Variants in TRIO observed in about 807,000 individuals in gnomAD.
The protein encoded by TRIO is triple functional domain protein.
TRIO carries 58 observed loss-of-function variants against 351.9 expected under a neutral mutation model. That is an observed-to-expected ratio of 0.16 (90% CI 0.13 to 0.21). The LOEUF (loss-of-function observed/expected upper bound fraction) is 0.21. Among genes scored for constraint, TRIO ranks in the 10% least tolerant of loss-of-function variants. The pLI, the probability that TRIO is intolerant of heterozygous loss-of-function variation, is 1.00. For missense variants in TRIO, 3,201 were observed against 4,027.8 expected, an observed-to-expected ratio of 0.79 and a Z score of 5.56; for synonymous variants, 1,758 against 1,595.7, an observed-to-expected ratio of 1.10 and a Z score of -2.42.
intron 1 of TRIO, among the ~76,000 whole-genome samples, chr5:14,176,616 A>G (rs968110904): frequency 6.6e-6 from 1 of 152,186 alleles, no homozygotes; most frequent in Non-Finnish European, 1.5e-5. Context: ...ACCACACCTG[A>G]CTAATTTTTG....
At chr5:14,289,081 TTTG>T (rs889743448) in intron 4 of TRIO, among the ~76,000 whole-genome samples, 39 of 151,808 alleles carry the variant, frequency 2.6e-4, no homozygotes, top group African/African-American at 9.4e-4. Context: ...GTCTCTATAT[TTTG>T]TTTTAAAAAT....
intron 1 of TRIO, among the ~76,000 whole-genome samples, chr5:14,255,567 T>G (rs1464010379): frequency 6.6e-6 from 1 of 152,220 alleles, no homozygotes; most frequent in African/African-American, 2.4e-5. Flanking sequence ...TCTGAAATGC[T>G]GGGCACCAGA....
intron 34 of TRIO, among the ~76,000 whole-genome samples, chr5:14,428,987 TC>T (rs1317835949): frequency 6.6e-6 from 1 of 152,208 alleles, no homozygotes; most frequent in Admixed American, 6.5e-5. Context: ...TTCTGACATT[TC>T]CTAGACATCA....
chr5:14,426,004 T>A lies in TRIO; in HGVS notation c.5203+5983T>A, dbSNP rs533084429. 3.3e-5 allele frequency among the ~76,000 whole-genome samples: 5 copies of A among 152,372 alleles called. No individual in the cohort carries two copies. In the East Asian group the frequency reaches 9.6e-4, roughly 29 times the overall value. On this transcript the variant is annotated intron_variant, in intron 34 of 56. Transcript: ENST00000344204. The stretch of plus-strand genomic sequence containing the variant: ...GGCTGCCCACTCAGTTTTGTTAACT[T>A]TATCTCAATAATATATTTCAAGTAT...
At chr5:14,475,489 C>T (rs1755004830) in intron 40 of TRIO, among the ~76,000 whole-genome samples, 1 of 152,222 alleles carries the variant, frequency 6.6e-6, no homozygotes, top group Non-Finnish European at 1.5e-5. Flanking sequence ...TGTCACGTAT[C>T]AAGTAGTGTT....
chr5:14,226,321 C>G (rs576820088), intron 1 of TRIO, among the ~76,000 whole-genome samples: 1 of 152,292 alleles, frequency 6.6e-6, no homozygotes, highest in African/African-American at 2.4e-5. Flanking sequence ...TTCTGTAGAA[C>G]CCCACAGCCT....
intron 1 of TRIO, among the ~76,000 whole-genome samples, chr5:14,172,131 C>T (rs1487721614): frequency 6.6e-6 from 1 of 152,152 alleles, no homozygotes; most frequent in Non-Finnish European, 1.5e-5. Context: ...ATAAGCACTG[C>T]AGCATTACTA....
intron 32 of TRIO, chr5:14,406,200 G>C (rs531838918): frequency 1.1e-5 from 8 of 730,302 alleles, no homozygotes; most frequent in Non-Finnish European, 1.5e-5. Context: ...GAAGGGCTGT[G>C]TGCAAACCTC....
chr5:14,392,590 A>G (rs1579518023), intron 27 of TRIO, among the ~76,000 whole-genome samples: 2 of 152,248 alleles, frequency 1.3e-5, no homozygotes, highest in African/African-American at 4.8e-5. Flanking sequence ...ATACACCCAA[A>G]GGATTATAAA....
At chr5:14,364,540 C>G in intron 14 of TRIO, 110 bp from the exon 15 acceptor site, 1 of 1,367,624 alleles carries the variant, frequency 7.3e-7, no homozygotes, top group Non-Finnish European at 1.0e-6. Context: ...AATGGCTTGG[C>G]CCCCAGCTGG....
Position 14,483,182 on chromosome 5 carries a change from C to T in TRIO, c.6657+409C>T, listed in dbSNP as rs116526728. Among the ~76,000 whole-genome samples the T allele has an allele frequency of 4.7e-4, 72 of 152,348 alleles. 1 individual carries two copies. Among genetic ancestry groups the T allele is most frequent in the African/African-American group, 1.6e-3 (65 of 41,586 alleles). ...GAGGTACTGAGCACTCAGCAACAGG[C>T]GTGAGGGCTCCAGGAATGGCCCAGC... On this transcript the variant is annotated intron_variant, in intron 46 of 56. Transcript: ENST00000344204.
At position 14,330,922 on chromosome 5, in the gene TRIO, T is replaced by C. The variant is rs146498564; in HGVS notation, c.1854+22T>C. 10 of 1,613,228 alleles carry C rather than the reference T, an allele frequency of 6.2e-6. No homozygotes were observed. In the Admixed American group the frequency reaches 8.3e-5, roughly 13 times the overall value. ...ACAGGTAAAACAATGGCTTCTATTA[T>C]TTTATCCCATAAATACCCGTGTGGT... On this transcript the variant is annotated intron_variant, in intron 10 of 56. Coordinates refer to ENST00000344204, the MANE Select transcript of TRIO (RefSeq NM_007118.4).
At chr5:14,206,432 C>T (rs1280270410) in intron 1 of TRIO, among the ~76,000 whole-genome samples, 1 of 152,250 alleles carries the variant, frequency 6.6e-6, no homozygotes, top group Admixed American at 6.5e-5. Context: ...CCTCTAGATT[C>T]TTGCTCTTGT....
intron 1 of TRIO, among the ~76,000 whole-genome samples, chr5:14,181,172 TA>T (rs33999434): frequency 8.1e-5 from 12 of 148,334 alleles, no homozygotes; most frequent in African/African-American, 2.5e-4. Flanking sequence ...ACTGCAGACT[TA>T]AAAAAAAAAG....
chr5:14,390,422 A>T lies in TRIO; in HGVS notation c.4128+122A>T. On this transcript the variant is annotated intron_variant, in intron 26 of 56. Transcript: ENST00000344204. ...CTGCTCATATCCATGCTTGCGGAGA[A>T]ATAGACTTTACCTCAAAGAATTGCA... 4.5e-6 allele frequency: 4 copies of T among 888,728 alleles called. No individual in the cohort carries two copies. In the South Asian group the frequency reaches 6.8e-5, roughly 15 times the overall value. The allele number at this position is 888,728 out of a possible 1,614,324, so 55.1% of individuals were successfully genotyped here.
chr5:14,416,051 A>G (rs887338940), intron 33 of TRIO, among the ~76,000 whole-genome samples: 3 of 151,666 alleles, frequency 2.0e-5, no homozygotes, highest in African/African-American at 7.3e-5. Context: ...AGCAACGAAG[A>G]TACTGTGAGA....
chr5:14,396,596 A>G (rs1291819928), intron 28 of TRIO, among the ~76,000 whole-genome samples: 1 of 150,360 alleles, frequency 6.7e-6, no homozygotes, highest in Non-Finnish European at 1.5e-5. Context: ...CAGTCTCCCA[A>G]GTAGCTGGGA....
intron 47 of TRIO, among the ~76,000 whole-genome samples, chr5:14,487,026 G>A (rs973369959): frequency 6.6e-6 from 1 of 152,196 alleles, no homozygotes; most frequent in African/African-American, 2.4e-5. Context: ...CGCTCCAGGG[G>A]CCTCTAGTAG....
At position 14,368,803 on chromosome 5, in the gene TRIO, G is replaced by A. The variant is rs1156261970; in HGVS notation, c.2970G>A (p.Glu990=). 1 of 1,614,042 alleles carries A rather than the reference G, an allele frequency of 6.2e-7. No homozygotes were observed. Among genetic ancestry groups the A allele is most frequent in the Non-Finnish European group, 8.5e-7 (1 of 1,180,048 alleles). Residue 990 remains glutamate, a synonymous_variant, in exon 17 of 57, where the codon GAG becomes GAA. Transcript: ENST00000344204. ...YDMDMIRDCA[E]KVASHWQQLM... is the part of the protein sequence containing the mutation. The stretch of plus-strand genomic sequence containing the variant: ...TGGACATGATCCGGGACTGCGCCGA[G>A]AAGGTGGCGTCTCACTGGCAACAGC...
Sources: gnomAD v4.1 joint callset for allele counts (sites outside exome capture counted in the v4.1 genomes callset) on GRCh38, gnomAD v4.1.1 for gene constraint, MANE v1.5 for transcripts, NCBI Gene and HGNC (gene_info 2026-07-23, HGNC 2026-07-21) for gene names.